Variants in ST8SIA1 observed in about 807,000 individuals in gnomAD.
ST8SIA1 encodes alpha-N-acetylneuraminide alpha-2,8-sialyltransferase.
ST8SIA1 carries 16 observed loss-of-function variants against 35.9 expected under a neutral mutation model. The observed-to-expected ratio is 0.45, with a 90% CI of 0.30 to 0.68. The LOEUF is 0.68. Ranked by LOEUF, ST8SIA1 falls within the 30% of genes least tolerant of loss-of-function variation. The pLI, the probability that ST8SIA1 is intolerant of heterozygous loss-of-function variation, is 0.09. For synonymous variants in ST8SIA1, 170 were observed against 169.6 expected, an observed-to-expected ratio of 1.00 and a Z score of -0.02; for missense variants, 383 against 453.6, an observed-to-expected ratio of 0.84 and a Z score of 1.41.
At position 22,334,429 on chromosome 12, in the gene ST8SIA1, A is replaced by C; in HGVS notation, c.-197T>G. 1.7e-6 allele frequency: 1 copy of C among 597,184 alleles called. No individual in the cohort carries two copies. The highest frequency in any genetic ancestry group is 3.0e-6 in the Non-Finnish European group (1 of 336,156). The allele number at this position is 597,184 out of a possible 1,614,324, so 37.0% of individuals were successfully genotyped here. A position where few individuals can be genotyped will look rare whatever the true frequency, so the allele number is the denominator to read the frequency against. On this transcript the variant is annotated 5_prime_UTR_variant, in exon 1 of 5. Coordinates refer to ENST00000396037, the MANE Select transcript of ST8SIA1 (RefSeq NM_003034.4). The stretch of plus-strand genomic sequence containing the variant: ...GATTTTTTCAAATGCAACTTTTCCA[A>C]GGATTTCTTTCTAGGGGAAGTGGCT...
chr12:22,217,867 T>C (rs571558002), intron 4 of ST8SIA1, among the ~76,000 whole-genome samples: 1 of 152,328 alleles, frequency 6.6e-6, no homozygotes, highest in East Asian at 1.9e-4. Flanking sequence ...TATAAATTAA[T>C]AGGAAACCAC....
chr12:22,273,592 C>T (rs1865937214), intron 2 of ST8SIA1, among the ~76,000 whole-genome samples: 1 of 152,106 alleles, frequency 6.6e-6, no homozygotes, highest in East Asian at 1.9e-4. Flanking sequence ...CAAAAAAATC[C>T]CTCATCATTA....
chr12:22,243,664 G>A (rs953584161), intron 4 of ST8SIA1, among the ~76,000 whole-genome samples: 6 of 152,326 alleles, frequency 3.9e-5, no homozygotes, highest in African/African-American at 1.4e-4. Flanking sequence ...TTAAAACATT[G>A]TATTCCAATT....
intron 2 of ST8SIA1, among the ~76,000 whole-genome samples, chr12:22,271,228 A>G (rs1322893034): frequency 6.6e-6 from 1 of 152,206 alleles, no homozygotes; most frequent in African/African-American, 2.4e-5. Flanking sequence ...TGACTTTCTT[A>G]TAAGTGTACT....
At chr12:22,220,510 T>C (rs896406828) in intron 4 of ST8SIA1, among the ~76,000 whole-genome samples, 5 of 152,162 alleles carry the variant, frequency 3.3e-5, no homozygotes, top group African/African-American at 1.2e-4. Flanking sequence ...AATAGCAGAA[T>C]TGAAAATTTA....
intron 1 of ST8SIA1, among the ~76,000 whole-genome samples, chr12:22,298,030 T>G (rs1409499211): frequency 1.3e-5 from 2 of 152,130 alleles, no homozygotes; most frequent in Non-Finnish European, 2.9e-5. Flanking sequence ...TAATGGAGCC[T>G]CCATAAAAAC....
chr12:22,233,938 TTA>T (rs1383942640), intron 4 of ST8SIA1, among the ~76,000 whole-genome samples: 4 of 152,294 alleles, frequency 2.6e-5, no homozygotes, highest in Admixed American at 2.6e-4. Flanking sequence ...ATTTTTTTGT[TTA>T]AAACAAATTA....
chr12:22,330,607 A>G (rs1866749574), intron 1 of ST8SIA1, among the ~76,000 whole-genome samples: 1 of 152,054 alleles, frequency 6.6e-6, no homozygotes, highest in Non-Finnish European at 1.5e-5. Context: ...GATTATAGCA[A>G]CTCCCTTGAA....
At chr12:22,315,302 A>C (rs1315248570) in intron 1 of ST8SIA1, among the ~76,000 whole-genome samples, 1 of 152,078 alleles carries the variant, frequency 6.6e-6, no homozygotes, top group Non-Finnish European at 1.5e-5. Flanking sequence ...ATTCATCCCC[A>C]TCCCAACCAC....
intron 4 of ST8SIA1, among the ~76,000 whole-genome samples, chr12:22,204,465 A>C (rs148946823): frequency 6.6e-5 from 10 of 152,192 alleles, no homozygotes; most frequent in Non-Finnish European, 1.2e-4. Context: ...GGATACCTCT[A>C]TTGCTTTCCT....
chr12:22,299,666 A>T (rs536698775), intron 1 of ST8SIA1, among the ~76,000 whole-genome samples: 1 of 152,208 alleles, frequency 6.6e-6, no homozygotes, highest in Non-Finnish European at 1.5e-5. Context: ...AATACACTAA[A>T]AAATTGATTA....
intron 4 of ST8SIA1, among the ~76,000 whole-genome samples, chr12:22,217,579 C>A (rs1229012375): frequency 6.6e-6 from 1 of 152,172 alleles, no homozygotes; most frequent in Non-Finnish European, 1.5e-5. Context: ...CTGGTTACTT[C>A]ATTGCTTTAT....
chr12:22,218,623 A>ATAAATAAATAAATAAG (rs1469892337), intron 4 of ST8SIA1, among the ~76,000 whole-genome samples: 4 of 150,578 alleles, frequency 2.7e-5, no homozygotes, highest in Non-Finnish European at 5.9e-5. Flanking sequence ...AAATAAATAA[A>ATAAATAAATAAATAAG]TAAATAAATA....
chr12:22,287,018 GA>G (rs1866108663), intron 2 of ST8SIA1, 130 bp downstream of exon 2: 1 of 834,228 alleles, frequency 1.2e-6, no homozygotes. Context: ...CAGATATAAA[GA>G]AAAACATTTA....
At chr12:22,220,353 AT>A (rs1865283150) in intron 4 of ST8SIA1, among the ~76,000 whole-genome samples, 1 of 152,196 alleles carries the variant, frequency 6.6e-6, no homozygotes, top group Non-Finnish European at 1.5e-5. Flanking sequence ...ACAAAGGAGT[AT>A]GTTTGGCAGA....
intron 4 of ST8SIA1, among the ~76,000 whole-genome samples, chr12:22,202,602 A>G (rs1280944081): frequency 6.6e-6 from 1 of 152,240 alleles, no homozygotes; most frequent in Non-Finnish European, 1.5e-5. Flanking sequence ...GCTTGCTCCA[A>G]AGAACTCTAC....
At chr12:22,262,726 T>C (rs981016208) in intron 2 of ST8SIA1, among the ~76,000 whole-genome samples, 1 of 152,194 alleles carries the variant, frequency 6.6e-6, no homozygotes, top group African/African-American at 2.4e-5. Context: ...GCACAACATT[T>C]TATTAAGAGC....
At chr12:22,296,136 C>T (rs73251952) in intron 1 of ST8SIA1, among the ~76,000 whole-genome samples, 39,357 of 151,994 alleles carry the variant, frequency 0.26, 5,394 homozygotes, top group Middle Eastern at 0.39. Flanking sequence ...GAGGAGCATG[C>T]CTGGTATGCT....
chr12:22,329,755 G>C (rs761909447), intron 1 of ST8SIA1, among the ~76,000 whole-genome samples: 1 of 152,140 alleles, frequency 6.6e-6, no homozygotes, highest in Non-Finnish European at 1.5e-5. Flanking sequence ...GAAAACAGTC[G>C]TTTGTTCAAA....
Sources: allele counts gnomAD v4.1 joint callset (sites outside exome capture counted in the v4.1 genomes callset), GRCh38; gene constraint gnomAD v4.1.1; transcripts MANE v1.5; gene names NCBI Gene and HGNC (gene_info 2026-07-23, HGNC 2026-07-21).